The following PTGIS variants were observed in gnomAD, a reference collection of about 807,000 sequenced individuals.
The protein encoded by PTGIS is prostacyclin synthase.
Under a neutral mutation model 50.3 loss-of-function variants are expected in PTGIS, and 45 were observed. That is an observed-to-expected ratio of 0.90 (90% CI 0.70 to 1.15). The LOEUF (loss-of-function observed/expected upper bound fraction) is 1.15. Ranked by LOEUF, PTGIS falls within the 50% of genes most tolerant of loss-of-function variation. The pLI, the probability that PTGIS is intolerant of heterozygous loss-of-function variation, is 0.00. For synonymous variants in PTGIS, 260 were observed against 267.7 expected, an observed-to-expected ratio of 0.97 and a Z score of 0.28; for missense variants, 668 against 661.3, an observed-to-expected ratio of 1.01 and a Z score of -0.11.
intron 4 of PTGIS, among the ~76,000 whole-genome samples, chr20:49,542,107 C>T (rs1482258317): frequency 2.0e-5 from 3 of 152,160 alleles, no homozygotes; most frequent in African/African-American, 7.2e-5. Context: ...AAAGAGAGAG[C>T]GTGCCTGACC....
intron 1 of PTGIS, among the ~76,000 whole-genome samples, chr20:49,564,497 C>T (rs1403926944): frequency 6.6e-6 from 1 of 152,088 alleles, no homozygotes; most frequent in African/African-American, 2.4e-5. Context: ...TTGATCGGCC[C>T]GCCTCAGCCT....
At chr20:49,521,389 C>T (rs1981647969) in intron 6 of PTGIS, among the ~76,000 whole-genome samples, 1 of 152,184 alleles carries the variant, frequency 6.6e-6, no homozygotes, top group Non-Finnish European at 1.5e-5. Context: ...TCCCACCTGC[C>T]TGAATTCTGG....
At position 49,506,470 on chromosome 20, in the gene PTGIS, T is replaced by A. The variant is rs950186103; in HGVS notation, c.*1450A>T. On this transcript the variant is annotated 3_prime_UTR_variant, in exon 10 of 10. Coordinates refer to ENST00000244043, the MANE Select transcript of PTGIS (RefSeq NM_000961.4). The stretch of plus-strand genomic sequence containing the variant: ...TCAGTTCACTGCAACCTCCACCTCC[T>A]GGGTTCAAGCAATTCTGGTGCCTCA... The A allele has an allele frequency of 6.6e-6, 1 of 152,210 alleles. No individual in the cohort carries two copies. The highest frequency in any genetic ancestry group is 2.4e-5 in the African/African-American group (1 of 41,430). 9.4% of individuals were successfully genotyped at this position (152,210 alleles called of 1,614,324 possible).
intron 6 of PTGIS, among the ~76,000 whole-genome samples, chr20:49,519,988 C>T (rs992599963): frequency 2.0e-5 from 3 of 152,170 alleles, no homozygotes; most frequent in Admixed American, 6.5e-5. Context: ...CTCTTGTCAG[C>T]GCTGCAGCCA....
intron 1 of PTGIS, 36 bp downstream of exon 1, chr20:49,568,007 T>G (rs1208778135): frequency 1.4e-6 from 2 of 1,463,496 alleles, no homozygotes; most frequent in East Asian, 3.0e-5. Context: ...AGCCGCCCCC[T>G]TTGTCTGGCG....
chr20:49,537,583 T>C (rs1216529190), intron 5 of PTGIS, among the ~76,000 whole-genome samples: 4 of 151,916 alleles, frequency 2.6e-5, no homozygotes, highest in African/African-American at 7.3e-5. Context: ...GGCGAAACAC[T>C]GTCTCTACTA....
In PTGIS at chr20:49,516,043, GTTT is replaced by G. The variant is rs10596062; in HGVS notation, c.856-1651_856-1649del. ...CCACAGGCATGTGCTACCCAGCTAG[GTTT>G]TTTTTTTTTTTTTGGTAGAGATGGA... On this transcript the variant is annotated intron_variant, in intron 6 of 9. Transcript: ENST00000244043. 6.8e-4 allele frequency among the ~76,000 whole-genome samples: 96 copies of G among 141,146 alleles called. 1 individual carries two copies. The highest frequency in any genetic ancestry group is 1.7e-3 in the African/African-American group (64 of 38,270). 92.6% of individuals were successfully genotyped at this position (141,146 alleles called of 152,430 possible).
intron 3 of PTGIS, among the ~76,000 whole-genome samples, chr20:49,547,634 C>CAAAA (rs1335173855): frequency 2.6e-5 from 4 of 151,790 alleles, no homozygotes; most frequent in African/African-American, 9.7e-5. Context: ...AACAAACAAA[C>CAAAA]AAAAAAACCC....
chr20:49,553,810 T>G (rs534697667), intron 1 of PTGIS, among the ~76,000 whole-genome samples: 60 of 152,058 alleles, frequency 3.9e-4, no homozygotes, highest in African/African-American at 1.4e-3. Context: ...CCGTAAAAAT[T>G]TTTTGTCCTA....
chr20:49,544,261 A>G, intron 4 of PTGIS, 44 bp downstream of exon 4: 1 of 1,611,746 alleles, frequency 6.2e-7, no homozygotes, highest in Non-Finnish European at 8.5e-7. Context: ...ACACAGGTCA[A>G]AGTGCCGGGC....
intron 6 of PTGIS, among the ~76,000 whole-genome samples, chr20:49,518,381 T>C (rs188241192): frequency 1.3e-5 from 2 of 152,196 alleles, no homozygotes; most frequent in Admixed American, 6.5e-5. Flanking sequence ...ATAGAGTCTA[T>C]TTAAAACAAA....
intron 5 of PTGIS, among the ~76,000 whole-genome samples, chr20:49,528,079 G>A (rs1375362205): frequency 6.6e-6 from 1 of 152,198 alleles, no homozygotes; most frequent in Non-Finnish European, 1.5e-5. Context: ...GGTGGAGGTT[G>A]CAGTGAGCTG....
intron 6 of PTGIS, among the ~76,000 whole-genome samples, chr20:49,517,687 C>T (rs370955342): frequency 1.3e-5 from 2 of 152,172 alleles, no homozygotes; most frequent in East Asian, 1.9e-4. Flanking sequence ...GCACTGACTG[C>T]GGGCCAGACC....
chr20:49,564,559 A>G (rs1601208497), intron 1 of PTGIS, among the ~76,000 whole-genome samples: 3 of 152,280 alleles, frequency 2.0e-5, no homozygotes, highest in Admixed American at 2.0e-4. Context: ...CCTATGTCTA[A>G]TATTTTTTAA....
intron 2 of PTGIS, among the ~76,000 whole-genome samples, chr20:49,549,506 T>C (rs895566008): frequency 1.3e-5 from 2 of 152,198 alleles, no homozygotes; most frequent in Non-Finnish European, 2.9e-5. Flanking sequence ...GGGCCAACTG[T>C]ATACAGATGA....
At chr20:49,543,119 G>C (rs1187670909) in intron 4 of PTGIS, among the ~76,000 whole-genome samples, 1 of 151,930 alleles carries the variant, frequency 6.6e-6, no homozygotes, top group Admixed American at 6.6e-5. Context: ...TTGGTTAAGG[G>C]CATCACTAAA....
At chr20:49,562,469 A>T (rs1201518390) in intron 1 of PTGIS, among the ~76,000 whole-genome samples, 1 of 152,160 alleles carries the variant, frequency 6.6e-6, no homozygotes. Flanking sequence ...CCCTCAATCC[A>T]ACTCAGGCCG....
At chr20:49,528,495 C>T (rs2122861050) in intron 5 of PTGIS, among the ~76,000 whole-genome samples, 1 of 152,236 alleles carries the variant, frequency 6.6e-6, no homozygotes, top group Admixed American at 6.5e-5. Context: ...TGGTGGGCGC[C>T]TGTAGTCCCA....
chr20:49,541,835 A>G (rs891098742), intron 4 of PTGIS, among the ~76,000 whole-genome samples: 1 of 152,230 alleles, frequency 6.6e-6, no homozygotes, highest in African/African-American at 2.4e-5. Flanking sequence ...CGGCAGCTCC[A>G]TATCAAAAGA....
Sources: allele counts gnomAD v4.1 joint callset (sites outside exome capture counted in the v4.1 genomes callset), GRCh38; gene constraint gnomAD v4.1.1; transcripts MANE v1.5; gene names NCBI Gene and HGNC (gene_info 2026-07-23, HGNC 2026-07-21).